The following RASA1 variants were observed in gnomAD, a reference collection of about 807,000 sequenced individuals.
RASA1 encodes RAS p21 protein activator 1.
In RASA1, 25 loss-of-function variants were observed where a neutral mutation model predicts 132.2. The ratio of observed to expected loss-of-function variants is 0.19; its 90% CI spans 0.14 to 0.26. The LOEUF (loss-of-function observed/expected upper bound fraction) is 0.26, where lower values mean the gene tolerates loss of function less well. Among genes scored for constraint, RASA1 ranks in the 10% least tolerant of loss-of-function variants. RASA1 has a pLI of 1.00. For missense variants in RASA1, 964 were observed against 1,299.2 expected, an observed-to-expected ratio of 0.74 and a Z score of 3.97; for synonymous variants, 477 against 449.9, an observed-to-expected ratio of 1.06 and a Z score of -0.76.
At chr5:87,344,986 C>T (rs1481694195) in intron 6 of RASA1, among the ~76,000 whole-genome samples, 1 of 152,064 alleles carries the variant, frequency 6.6e-6, no homozygotes, top group African/African-American at 2.4e-5. Context: ...TTGGCAATAC[C>T]TATCACTGTG....
chr5:87,355,226 C>G (rs1452545137), intron 9 of RASA1, among the ~76,000 whole-genome samples: 1 of 152,162 alleles, frequency 6.6e-6, no homozygotes, highest in African/African-American at 2.4e-5. Context: ...TTATCTAGGA[C>G]TTTCATGGCA....
At chr5:87,324,956 T>TA (rs1757115511) in intron 1 of RASA1, among the ~76,000 whole-genome samples, 1 of 152,198 alleles carries the variant, frequency 6.6e-6, no homozygotes, top group Non-Finnish European at 1.5e-5. Flanking sequence ...TTAATTTTTT[T>TA]ATTTTTTTTT....
chr5:87,279,441 TTA>T (rs1754215488), intron 1 of RASA1, among the ~76,000 whole-genome samples: 1 of 152,110 alleles, frequency 6.6e-6, no homozygotes, highest in Non-Finnish European at 1.5e-5. Flanking sequence ...GTTTTGGGTA[TTA>T]TAAAAAAAAG....
At chr5:87,283,974 C>A (rs1400420702) in intron 1 of RASA1, among the ~76,000 whole-genome samples, 2 of 152,076 alleles carry the variant, frequency 1.3e-5, no homozygotes. Context: ...AGCTTTGATA[C>A]TTCTGTGTAT....
rs1757682821 is a variant in RASA1, at chr5:87,332,638, C to G, written c.824C>G (p.Pro275Arg). The G allele has an allele frequency of 6.2e-7, 1 of 1,609,030 alleles. No homozygotes were observed. Among genetic ancestry groups the G allele is most frequent in the Non-Finnish European group, 8.5e-7 (1 of 1,176,148 alleles). ...AAATTACTTTACCCAGTTGCACCAC[C>G]AGAGGCAAGTAAAATGAATAAAATA... is the stretch of plus-strand genomic sequence containing the variant. ...GEKLLYPVAP[P>R]EPVEDRRRVR... The change falls in exon 3 of 25, where the codon CCA (proline) becomes CGA (arginine). Residue 275 changes from proline to arginine, a missense_variant. This residue lies in a region of RASA1 where 154 missense variants were observed against 286.5 expected (regional missense o/e 0.54). Coordinates refer to ENST00000274376, the MANE Select transcript of RASA1 (RefSeq NM_002890.3).
intron 6 of RASA1, among the ~76,000 whole-genome samples, chr5:87,342,107 T>G (rs1020418748): frequency 6.6e-6 from 1 of 152,128 alleles, no homozygotes; most frequent in Admixed American, 6.5e-5. Flanking sequence ...TGTATTAGTT[T>G]GAAGTCTCCT....
At chr5:87,389,970 A>AGT (rs1366571644) in intron 24 of RASA1, among the ~76,000 whole-genome samples, 2 of 152,294 alleles carry the variant, frequency 1.3e-5, no homozygotes, top group African/African-American at 4.8e-5. Flanking sequence ...GAGGTTCTGA[A>AGT]GTGTGGCCTT....
chr5:87,363,485 C>G lies in RASA1; in HGVS notation c.1591C>G (p.His531Asp). The G allele has an allele frequency of 6.2e-7, 1 of 1,612,218 alleles. No homozygotes were observed. Residue 531 changes from histidine to aspartate, a missense_variant, in exon 11 of 25, where the codon CAT becomes GAT. This residue lies in a region of RASA1 where 346 missense variants were observed against 520.1 expected (regional missense o/e 0.67). Transcript: ENST00000274376. ...CAGTGTATGTTCTGTCTATGTCGTT[C>G]ATGATAGTCTCTTTGGCAGGTAAGA... ...DLSVCSVYVV[H>D]DSLFGRPNCF...
At chr5:87,306,891 C>T (rs1349572905) in intron 1 of RASA1, among the ~76,000 whole-genome samples, 1 of 152,088 alleles carries the variant, frequency 6.6e-6, no homozygotes, top group Non-Finnish European at 1.5e-5. Flanking sequence ...CAGGGTCTCA[C>T]TCTGTCACCC....
At chr5:87,289,634 A>C (rs1754826579) in intron 1 of RASA1, among the ~76,000 whole-genome samples, 1 of 151,982 alleles carries the variant, frequency 6.6e-6, no homozygotes, top group African/African-American at 2.4e-5. Context: ...TTTTTCAGAC[A>C]AGGTCTTGCT....
chr5:87,390,642 C>T (rs1164087933), intron 24 of RASA1, among the ~76,000 whole-genome samples, 158 bp from the exon 25 acceptor site: 1 of 152,012 alleles, frequency 6.6e-6, no homozygotes, highest in East Asian at 1.9e-4. Flanking sequence ...AAATACTCAG[C>T]CAATGACTGA....
At chr5:87,317,797 A>G (rs1243877738) in intron 1 of RASA1, among the ~76,000 whole-genome samples, 1 of 151,680 alleles carries the variant, frequency 6.6e-6, no homozygotes, top group African/African-American at 2.4e-5. Flanking sequence ...CACCACACTC[A>G]GCTAATTTTT....
At chr5:87,331,614 A>G in intron 2 of RASA1, 114 bp downstream of exon 2, 1 of 1,191,006 alleles carries the variant, frequency 8.4e-7, no homozygotes, top group Non-Finnish European at 1.2e-6. Flanking sequence ...TAGAGAAGGA[A>G]GCTTGTTTTC....
chr5:87,319,479 C>T (rs1756613873), intron 1 of RASA1, among the ~76,000 whole-genome samples: 2 of 152,222 alleles, frequency 1.3e-5, no homozygotes, highest in Admixed American at 1.3e-4. Context: ...CTTTTGTGCA[C>T]CCACAGACCC....
chr5:87,296,332 C>T (rs1755119908), intron 1 of RASA1, among the ~76,000 whole-genome samples: 1 of 152,104 alleles, frequency 6.6e-6, no homozygotes, highest in Non-Finnish European at 1.5e-5. Flanking sequence ...GCAGATACAT[C>T]ATTGCTATTA....
At chr5:87,386,948 A>T in intron 23 of RASA1, 45 bp downstream of exon 23, 2 of 1,494,856 alleles carry the variant, frequency 1.3e-6, no homozygotes, top group Non-Finnish European at 1.9e-6. Flanking sequence ...CTTCTAGTTG[A>T]TATAGCTGAG....
intron 6 of RASA1, among the ~76,000 whole-genome samples, chr5:87,344,385 C>G (rs935226907): frequency 1.3e-5 from 2 of 152,098 alleles, no homozygotes; most frequent in Admixed American, 6.6e-5. Context: ...TACTGATTCT[C>G]CACCTTTACC....
At chr5:87,281,295 T>G (rs1164162710) in intron 1 of RASA1, among the ~76,000 whole-genome samples, 2 of 151,374 alleles carry the variant, frequency 1.3e-5, no homozygotes, top group Non-Finnish European at 2.9e-5. Flanking sequence ...CAGGCTGAAG[T>G]GCAATGGCGT....
intron 1 of RASA1, among the ~76,000 whole-genome samples, chr5:87,315,068 A>T (rs1048705051): frequency 2.6e-5 from 4 of 152,250 alleles, no homozygotes; most frequent in African/African-American, 9.6e-5. Context: ...TTTTATATTA[A>T]AATGGATATA....
Sources: gnomAD v4.1 joint callset for allele counts (sites outside exome capture counted in the v4.1 genomes callset) on GRCh38, gnomAD v4.1.1 for gene constraint, gnomAD v4.1.1 regional missense constraint, MANE v1.5 for transcripts, NCBI Gene and HGNC (gene_info 2026-07-23, HGNC 2026-07-21) for gene names.